STXBP4: variants seen among roughly 807,000 people sequenced by gnomAD.
The protein encoded by STXBP4 is syntaxin-binding protein 4.
In STXBP4, 55 loss-of-function variants were observed where a neutral mutation model predicts 76.1. That is an observed-to-expected ratio of 0.72 (90% CI 0.58 to 0.91). STXBP4 has a LOEUF of 0.91. Ranked by LOEUF, STXBP4 falls within the 40% of genes least tolerant of loss-of-function variation. The pLI is 0.00. For synonymous variants in STXBP4, 201 were observed against 220.2 expected (o/e 0.91, Z 0.77); for missense variants, 618 against 636.9 (o/e 0.97, Z 0.32).
the STXBP4 span, among the ~76,000 whole-genome samples, chr17:55,187,425 G>T: frequency 6.7e-6 from 1 of 149,466 alleles, no homozygotes. Context: ...TGCTGCTTAT[G>T]ATTTAAAAAA....
At chr17:54,977,325 A>G (rs2077487018) in intron 1 of STXBP4, among the ~76,000 whole-genome samples, 1 of 152,248 alleles carries the variant, frequency 6.6e-6, no homozygotes, top group Admixed American at 6.5e-5. Flanking sequence ...CAGATTGAAA[A>G]TGAACATTAG....
At chr17:55,201,043 TG>T in the STXBP4 span, among the ~76,000 whole-genome samples, 1 of 152,204 alleles carries the variant, frequency 6.6e-6, no homozygotes, top group Non-Finnish European at 1.5e-5. Flanking sequence ...CTTTGCTTAA[TG>T]GACATTTCCC....
At chr17:55,048,516 G>A (rs773593275) in intron 12 of STXBP4, among the ~76,000 whole-genome samples, 5 of 151,644 alleles carry the variant, frequency 3.3e-5, no homozygotes, top group Admixed American at 2.0e-4. Context: ...AAAATGTAAC[G>A]TCACACTCCA....
At chr17:55,099,290 A>G (rs2079535510) in intron 16 of STXBP4, among the ~76,000 whole-genome samples, 1 of 152,250 alleles carries the variant, frequency 6.6e-6, no homozygotes, top group African/African-American at 2.4e-5. Flanking sequence ...ATTTATATGC[A>G]TAAATATAAA....
chr17:55,176,763 G>A (rs115990137), downstream of STXBP4, among the ~76,000 whole-genome samples: 554 of 152,238 alleles, frequency 3.6e-3, 6 homozygotes, highest in African/African-American at 0.013. Context: ...CAGCAATGTG[G>A]GTGAATATCA....
At chr17:55,196,549 C>T in the STXBP4 span, among the ~76,000 whole-genome samples, 43,249 of 152,040 alleles carry the variant, frequency 0.28, 6,918 homozygotes, top group Non-Finnish European at 0.36. Context: ...GAATTGATCA[C>T]GTATTCTTCT....
chr17:55,119,468 C>A (rs901622415), intron 16 of STXBP4, among the ~76,000 whole-genome samples: 5 of 151,940 alleles, frequency 3.3e-5, no homozygotes, highest in African/African-American at 1.2e-4. Flanking sequence ...ATTCTTAATT[C>A]TCAATCCACT....
chr17:55,136,534 T>G (rs886225052), intron 16 of STXBP4, among the ~76,000 whole-genome samples: 7 of 152,180 alleles, frequency 4.6e-5, no homozygotes, highest in African/African-American at 1.7e-4. Context: ...TATTTACATC[T>G]GTTGTATCTA....
rs140408433 is a variant in STXBP4, at chr17:54,972,075, C to T, written c.-157+3260C>T. Among the ~76,000 whole-genome samples the T allele has an allele frequency of 3.6e-3, 547 of 152,314 alleles. 3 individuals are homozygous for T. Among genetic ancestry groups the T allele is most frequent in the African/African-American group, 0.013 (529 of 41,560 alleles). On this transcript the variant is annotated intron_variant, in intron 1 of 17. Coordinates refer to ENST00000376352, the MANE Select transcript of STXBP4 (RefSeq NM_178509.6). ...TGCTGTGCTTCAATCAGTGAGTCCT[C>T]TTAGGCATCACATGATCTCAATTTA...
intron 16 of STXBP4, among the ~76,000 whole-genome samples, chr17:55,098,532 G>A (rs1033479349): frequency 1.3e-5 from 2 of 152,158 alleles, no homozygotes; most frequent in South Asian, 4.1e-4. Flanking sequence ...ATGTGAGGCA[G>A]GAGTAAGCCA....
At chr17:55,182,797 AAACAAC>A in the STXBP4 span, among the ~76,000 whole-genome samples, 5 of 151,832 alleles carry the variant, frequency 3.3e-5, no homozygotes, top group Non-Finnish European at 7.4e-5. Flanking sequence ...GTGCTAAGGA[AAACAAC>A]AACAACAACA....
At chr17:54,969,163 T>C (rs1194260046) in intron 1 of STXBP4, among the ~76,000 whole-genome samples, 1 of 152,160 alleles carries the variant, frequency 6.6e-6, no homozygotes, top group Non-Finnish European at 1.5e-5. Context: ...GGCAGTCGGC[T>C]TCCCCTGCTC....
intron 7 of STXBP4, among the ~76,000 whole-genome samples, chr17:55,002,155 A>C (rs2077931842): frequency 1.3e-5 from 2 of 152,214 alleles, no homozygotes; most frequent in Admixed American, 1.3e-4. Flanking sequence ...AACCCTTATG[A>C]GAAGAAAAAG....
rs532059420 is a variant in STXBP4, at chr17:55,108,619, C to A, written c.1489+27436C>A. Among the ~76,000 whole-genome samples, 85 of 152,314 alleles carry A rather than the reference C, an allele frequency of 5.6e-4. 1 individual carries two copies. The South Asian group carries it at 0.018, about 32-fold the overall frequency. On this transcript the variant is annotated intron_variant, in intron 16 of 17. Coordinates refer to ENST00000376352, the MANE Select transcript of STXBP4 (RefSeq NM_178509.6). Reference sequence around the variant, plus strand: ...AGTATCTGGGCTGGAATGCACCGTTCCTCACGGCACAGTCCCTCGTGGCTT... The same window carrying A: ...AGTATCTGGGCTGGAATGCACCGTTACTCACGGCACAGTCCCTCGTGGCTT...
rs118095185 is a variant in STXBP4 at position 54,987,293 on chromosome 17, G to T, written c.47+1027G>T. Among the ~76,000 whole-genome samples the T allele has an allele frequency of 7.9e-5, 12 of 152,012 alleles. No homozygotes were observed. In the East Asian group the frequency reaches 2.1e-3, roughly 27 times the overall value. ...CTATAAAAAGTTGTTTTTATTCTTG[G>T]TCCTTTTGTAGTGCTTCTTTTTGGT... On this transcript the variant is annotated intron_variant, in intron 3 of 17. Coordinates refer to ENST00000376352, the MANE Select transcript of STXBP4 (RefSeq NM_178509.6).
At chr17:55,152,580 C>T (rs553764507) in intron 17 of STXBP4, among the ~76,000 whole-genome samples, 62 of 152,250 alleles carry the variant, frequency 4.1e-4, no homozygotes, top group Non-Finnish European at 7.6e-4. Context: ...GAAGCAGGCA[C>T]CTTCTTCACA....
At chr17:55,205,525 C>T in the STXBP4 span, among the ~76,000 whole-genome samples, 2 of 151,380 alleles carry the variant, frequency 1.3e-5, no homozygotes, top group Non-Finnish European at 2.9e-5. Context: ...CTGGGAAAGA[C>T]ATAAACAGCA....
At chr17:55,018,409 C>A (rs1228162677) in intron 8 of STXBP4, among the ~76,000 whole-genome samples, 3 of 152,168 alleles carry the variant, frequency 2.0e-5, no homozygotes, top group Non-Finnish European at 4.4e-5. Flanking sequence ...CCAGCCATAA[C>A]AAACACAGAC....
intron 12 of STXBP4, among the ~76,000 whole-genome samples, chr17:55,047,975 AG>A: frequency 6.6e-6 from 1 of 152,050 alleles, no homozygotes; most frequent in Non-Finnish European, 1.5e-5. Context: ...AATAAAGAGT[AG>A]AGAGAAACTA....
Sources: allele counts gnomAD v4.1 joint callset (sites outside exome capture counted in the v4.1 genomes callset), GRCh38; gene constraint gnomAD v4.1.1; transcripts MANE v1.5; gene names NCBI Gene and HGNC (gene_info 2026-07-23, HGNC 2026-07-21).